Variants in AGPAT2 observed in about 807,000 individuals in gnomAD.
The protein encoded by AGPAT2 is 1-acyl-sn-glycerol-3-phosphate acyltransferase beta.
Under a neutral mutation model 26.1 loss-of-function variants are expected in AGPAT2, and 18 were observed. That is an observed-to-expected ratio of 0.69 (90% confidence interval 0.48 to 1.02). The LOEUF is 1.02. AGPAT2 is among the 50% of genes least tolerant of loss of function. The probability of loss-of-function intolerance (pLI) is 0.00; values close to 1 mark genes in which losing one functional copy is unlikely to be tolerated. For synonymous variants in AGPAT2, 200 were observed against 174.2 expected (o/e 1.15, Z -1.16); for missense variants, 415 against 394.9 (o/e 1.05, Z -0.43).
intron 1 of AGPAT2, among the ~76,000 whole-genome samples, chr9:136,678,255 C>T (rs777839997): frequency 7.2e-5 from 11 of 152,190 alleles, no homozygotes; most frequent in Non-Finnish European, 1.2e-4. Context: ...CAGCAGCCCC[C>T]ACTCTGGCAG....
chr9:136,674,614 A>G lies in AGPAT2; in HGVS notation c.661+121T>C, dbSNP rs9411215. The G allele has an allele frequency of 0.69, 440,781 of 635,272 alleles. 154,318 individuals carry two copies. Among genetic ancestry groups the G allele is most frequent in the East Asian group, 0.86 (25,810 of 30,052 alleles). 39.4% of individuals were successfully genotyped at this position (635,272 alleles called of 1,614,324 possible). A position where few individuals can be genotyped will look rare whatever the true frequency, so the allele number is the denominator to read the frequency against. ...CCAGCCTGAGTCACTCATTCGCCAC[A>G]TGGTCACCGTGTGGCCACGCCACGG... On this transcript the variant is annotated intron_variant, in intron 5 of 5. Transcript: ENST00000371696.
intron 1 of AGPAT2, among the ~76,000 whole-genome samples, chr9:136,679,439 C>T (rs1222110246): frequency 4.6e-5 from 7 of 152,224 alleles, no homozygotes; most frequent in Non-Finnish European, 1.0e-4. Flanking sequence ...ATCTGCCTTC[C>T]TCAGCCAACT....
At position 136,683,664 on chromosome 9, in the gene AGPAT2, T is replaced by C. The variant is rs147541867; in HGVS notation, c.182+3512A>G. On this transcript the variant is annotated intron_variant, in intron 1 of 5. Transcript: ENST00000371696. The stretch of plus-strand genomic sequence containing the variant: ...TCCCCGTGACTCCTCAAAGCGGATG[T>C]GTAGGAGTGCAGGTGTGGCGGGCGG... Among the ~76,000 whole-genome samples, 1,104 of 152,202 alleles carry C rather than the reference T, an allele frequency of 7.3e-3. 7 individuals are homozygous for C. Among genetic ancestry groups the C allele is most frequent in the Middle Eastern group, 0.02 (6 of 294 alleles).
chr9:136,673,706 C>G lies in AGPAT2; in HGVS notation c.*46G>C. 1 of 1,502,464 alleles carries G rather than the reference C, an allele frequency of 6.7e-7. No homozygotes were observed. The highest frequency in any genetic ancestry group is 9.0e-7 in the Non-Finnish European group (1 of 1,116,904). 93.1% of individuals were successfully genotyped at this position (1,502,464 alleles called of 1,614,324 possible). On this transcript the variant is annotated 3_prime_UTR_variant, in exon 6 of 6. Coordinates refer to ENST00000371696, the MANE Select transcript of AGPAT2 (RefSeq NM_006412.4). The stretch of plus-strand genomic sequence containing the variant: ...TCCCCTCTGCCCATCCTCCAGCCAT[C>G]GGCTTCCACCTGCCCTCCCCAGGTC...
intron 1 of AGPAT2, among the ~76,000 whole-genome samples, chr9:136,684,103 C>T (rs1158091208): frequency 6.6e-6 from 1 of 152,194 alleles, no homozygotes; most frequent in African/African-American, 2.4e-5. Context: ...AAGAGCACCC[C>T]TTTTCTGTCT....
Position 136,676,653 on chromosome 9 carries a change from T to A in AGPAT2, c.520A>T (p.Thr174Ser). ...NLKVWIYPEGTRNDNGDLLPF... is the reference protein window; with the variant it reads ...NLKVWIYPEGSRNDNGDLLPF... The stretch of plus-strand genomic sequence containing the variant: ...AGCAGGTCCCCATTGTCGTTGCGAG[T>A]ACCCTCGGGATAGATCCACACTTTG... The change falls in exon 4 of 6, where the codon ACT becomes TCT. Residue 174 changes from threonine to serine, a missense_variant. Coordinates refer to ENST00000371696, the MANE Select transcript of AGPAT2 (RefSeq NM_006412.4). The A allele has an allele frequency of 1.9e-6, 3 of 1,613,316 alleles. No homozygotes were observed. Among genetic ancestry groups the A allele is most frequent in the Non-Finnish European group, 2.5e-6 (3 of 1,179,818 alleles).
At chr9:136,683,689 G>A (rs983167496) in intron 1 of AGPAT2, among the ~76,000 whole-genome samples, 21 of 152,292 alleles carry the variant, frequency 1.4e-4, no homozygotes, top group African/African-American at 5.1e-4. Context: ...GTGGCGGGCG[G>A]GAAGGAGGTG....
chr9:136,679,477 G>A lies in AGPAT2; in HGVS notation c.183-1921C>T, dbSNP rs1588265660. On this transcript the variant is annotated intron_variant, in intron 1 of 5. Coordinates refer to ENST00000371696, the MANE Select transcript of AGPAT2 (RefSeq NM_006412.4). ...AGATATCTCCTCTCCAGGCCGCGCC[G>A]GCCACCGTCCCCTCCCACCCAGAAG... is the stretch of plus-strand genomic sequence containing the variant. 2.6e-5 allele frequency among the ~76,000 whole-genome samples: 4 copies of A among 152,208 alleles called. No individual in the cohort carries two copies. In the South Asian group the frequency reaches 6.2e-4, roughly 24 times the overall value.
chr9:136,676,442 G>A, intron 4 of AGPAT2, 143 bp downstream of exon 4: 2 of 666,480 alleles, frequency 3.0e-6, no homozygotes, highest in Admixed American at 2.2e-5. Flanking sequence ...AAGGGGCAAG[G>A]AGGCCCTGTC....
At chr9:136,681,364 G>A (rs1237772529) in intron 1 of AGPAT2, among the ~76,000 whole-genome samples, 1 of 152,182 alleles carries the variant, frequency 6.6e-6, no homozygotes, top group African/African-American at 2.4e-5. Context: ...ATACCCTGGG[G>A]GTGGAAGAAA....
At chr9:136,680,676 T>G (rs903288006) in intron 1 of AGPAT2, among the ~76,000 whole-genome samples, 1 of 151,430 alleles carries the variant, frequency 6.6e-6, no homozygotes, top group African/African-American at 2.5e-5. Context: ...CTTCATTTAT[T>G]TTTTATTTTT....
chr9:136,675,831 G>C (rs534156599), intron 4 of AGPAT2, among the ~76,000 whole-genome samples: 5 of 152,148 alleles, frequency 3.3e-5, no homozygotes, highest in Admixed American at 3.3e-4. Flanking sequence ...GGCTCCCCAG[G>C]CCTCACGGCC....
At chr9:136,683,276 A>C (rs887275501) in intron 1 of AGPAT2, among the ~76,000 whole-genome samples, 1 of 152,118 alleles carries the variant, frequency 6.6e-6, no homozygotes, top group African/African-American at 2.4e-5. Context: ...AATGTGCCTA[A>C]GCCCCCAATC....
At chr9:136,684,469 A>G (rs1846197582) in intron 1 of AGPAT2, among the ~76,000 whole-genome samples, 1 of 152,226 alleles carries the variant, frequency 6.6e-6, no homozygotes, top group Non-Finnish European at 1.5e-5. Flanking sequence ...AGGCTGCCTC[A>G]GAGGTTCTAG....
chr9:136,678,449 G>A (rs947343821), intron 1 of AGPAT2, among the ~76,000 whole-genome samples: 4 of 152,200 alleles, frequency 2.6e-5, no homozygotes, highest in African/African-American at 7.2e-5. Flanking sequence ...CCCAGATAGG[G>A]CACCCCATCA....
At chr9:136,675,602 C>T (rs116039039) in intron 4 of AGPAT2, among the ~76,000 whole-genome samples, 1 of 148,110 alleles carries the variant, frequency 6.8e-6, no homozygotes, top group African/African-American at 2.5e-5. Context: ...GGAGCAGGGA[C>T]GGAAAAGCTG....
In AGPAT2 at chr9:136,687,331, C is replaced by T; in HGVS notation, c.27G>A (p.Ala9=). 1.9e-6 allele frequency: 3 copies of T among 1,559,584 alleles called. No homozygotes were observed. In the East Asian group the frequency reaches 7.7e-5, roughly 40 times the overall value. The change falls in exon 1 of 6, where the codon GCG becomes GCA. Residue 9 remains alanine, a synonymous_variant. Transcript: ENST00000371696. The part of the protein sequence containing the change: MELWPCLA[A]ALLLLLLLVQ... ...CCAGCAGCAGCAGCAACAGCAGCGC[C>T]GCGGCCAGACACGGCCACAGCTCCA...
chr9:136,677,045 C>T lies in AGPAT2; in HGVS notation c.408G>A (p.Gly136=), dbSNP rs145467496. The stretch of plus-strand genomic sequence containing the variant: ...GCTGCCGGTTGATGAAGAAGACGCC[C>T]CCGAGGTACATGATGAGGCCCACGG... The part of the protein sequence containing the change: ...LGPVGLIMYL[G]GVFFINRQRS... Residue 136 remains glycine, a synonymous_variant, in exon 3 of 6, where the codon GGG becomes GGA. Transcript: ENST00000371696. 3.6e-5 allele frequency: 58 copies of T among 1,613,110 alleles called. No individual in the cohort carries two copies. The African/African-American group carries it at 7.1e-4, about 20-fold the overall frequency.
chr9:136,686,872 C>T (rs1220026461), intron 1 of AGPAT2, among the ~76,000 whole-genome samples: 1 of 152,256 alleles, frequency 6.6e-6, no homozygotes, highest in Non-Finnish European at 1.5e-5. Context: ...AGCTGCTCCA[C>T]CCCCGGAACC....
Sources: gnomAD v4.1 joint callset for allele counts (sites outside exome capture counted in the v4.1 genomes callset) on GRCh38, gnomAD v4.1.1 for gene constraint, MANE v1.5 for transcripts, NCBI Gene and HGNC (gene_info 2026-07-23, HGNC 2026-07-21) for gene names.